The following ROBO2 variants were observed in gnomAD, a reference collection of about 807,000 sequenced individuals.
ROBO2 encodes roundabout homolog 2.
Under a neutral mutation model 160.8 loss-of-function variants are expected in ROBO2, and 53 were observed. That is an observed-to-expected ratio of 0.33 (90% CI 0.26 to 0.41). ROBO2 has a LOEUF of 0.41. Among genes scored for constraint, ROBO2 ranks in the 10% least tolerant of loss-of-function variants. The probability of loss-of-function intolerance (pLI) is 1.00; values close to 1 mark genes in which losing one functional copy is unlikely to be tolerated. For missense variants in ROBO2, 1,577 were observed against 1,722.4 expected (o/e 0.92, Z 1.49); for synonymous variants, 664 against 611.7 (o/e 1.09, Z -1.26).
chr3:76,008,018 G>A (rs2066074651), intron 2 of ROBO2, among the ~76,000 whole-genome samples: 1 of 151,960 alleles, frequency 6.6e-6, no homozygotes, highest in Non-Finnish European at 1.5e-5. Flanking sequence ...TGGATCACCT[G>A]AGGTCAGGAG....
intron 2 of ROBO2, among the ~76,000 whole-genome samples, chr3:76,367,718 TA>T (rs2075895577): frequency 6.6e-6 from 1 of 151,920 alleles, no homozygotes; most frequent in African/African-American, 2.4e-5. Flanking sequence ...ACTTTGAAAA[TA>T]AAGCCTCTTA....
intron 2 of ROBO2, among the ~76,000 whole-genome samples, chr3:76,917,320 A>G (rs954689230): frequency 3.3e-5 from 5 of 152,172 alleles, no homozygotes; most frequent in Non-Finnish European, 1.5e-5. Flanking sequence ...TGCTTTTCCA[A>G]GGCAACTCTT....
At chr3:76,355,926 C>G (rs905421105) in intron 2 of ROBO2, among the ~76,000 whole-genome samples, 1 of 151,720 alleles carries the variant, frequency 6.6e-6, no homozygotes, top group Non-Finnish European at 1.5e-5. Context: ...TGATTCACCC[C>G]TTACAGCAGC....
chr3:76,667,774 T>G (rs1381959044), intron 2 of ROBO2, among the ~76,000 whole-genome samples: 1 of 152,120 alleles, frequency 6.6e-6, no homozygotes, highest in Non-Finnish European at 1.5e-5. Context: ...TCTCAAATAA[T>G]TTTTCTTATT....
chr3:77,153,307 T>C (rs2150545191), intron 2 of ROBO2, among the ~76,000 whole-genome samples: 1 of 152,246 alleles, frequency 6.6e-6, no homozygotes, highest in Non-Finnish European at 1.5e-5. Context: ...TTATTTTTTC[T>C]TGTTTCATAT....
At chr3:76,940,377 C>G (rs924970041) in intron 2 of ROBO2, among the ~76,000 whole-genome samples, 1 of 152,146 alleles carries the variant, frequency 6.6e-6, no homozygotes, top group Non-Finnish European at 1.5e-5. Context: ...TTTTATCATG[C>G]AAATCTCATT....
chr3:76,176,029 AT>A (rs1463674971), intron 2 of ROBO2, among the ~76,000 whole-genome samples: 1 of 151,882 alleles, frequency 6.6e-6, no homozygotes, highest in African/African-American at 2.4e-5. Context: ...TTGTATTGAT[AT>A]CATTATAAGT....
At chr3:76,432,077 G>A (rs766080547) in intron 2 of ROBO2, among the ~76,000 whole-genome samples, 1 of 152,098 alleles carries the variant, frequency 6.6e-6, no homozygotes, top group African/African-American at 2.4e-5. Flanking sequence ...TGTGTCATTT[G>A]TGCCATATGG....
intron 2 of ROBO2, among the ~76,000 whole-genome samples, chr3:77,420,507 C>G (rs556791597): frequency 5.3e-5 from 8 of 152,216 alleles, no homozygotes; most frequent in African/African-American, 1.7e-4. Flanking sequence ...AGTGGTTGCT[C>G]TCTTTACTTT....
At chr3:76,054,935 A>C (rs2067784080) in intron 2 of ROBO2, among the ~76,000 whole-genome samples, 2 of 152,140 alleles carry the variant, frequency 1.3e-5, no homozygotes, top group South Asian at 4.1e-4. Flanking sequence ...AAGTTGATTG[A>C]TTATCAATTT....
Position 77,608,894 on chromosome 3 carries a change from T to TA in ROBO2, c.3293+946dup, listed in dbSNP as rs548921553. On this transcript the variant is annotated intron_variant, in intron 21 of 25. Coordinates refer to ENST00000461745, the Ensembl canonical transcript of ROBO2. ...TGGTTGTTTATTTATTATCTTGGCTTAAAAAATCACATATACATGTTTATA... is the reference window on the plus strand; with the variant it reads ...TGGTTGTTTATTTATTATCTTGGCTTAAAAAAATCACATATACATGTTTATA... 2.2e-4 allele frequency among the ~76,000 whole-genome samples: 33 copies of TA among 151,890 alleles called. No individual in the cohort carries two copies. The East Asian group carries it at 5.2e-3, about 24-fold the overall frequency.
intron 2 of ROBO2, among the ~76,000 whole-genome samples, chr3:77,229,448 C>T (rs62253282): frequency 0.028 from 4,184 of 151,412 alleles, 64 homozygotes; most frequent in Middle Eastern, 0.055. Flanking sequence ...TTTGGGAGGC[C>T]GAGGCAGGTG....
intron 2 of ROBO2, among the ~76,000 whole-genome samples, chr3:76,353,340 A>G (rs9309737): frequency 0.76 from 115,334 of 151,904 alleles, 46,842 homozygotes; most frequent in East Asian, 0.96. Flanking sequence ...AAGTTGGCAA[A>G]TATAACTTTA....
In ROBO2 at chr3:76,406,446, G is replaced by T. The variant is rs190286461; in HGVS notation, c.109+468844G>T. ...GATATTTCTAGTCCTTGTATGGATA[G>T]CAGTGATTATTTCATATTCCATTTT... On this transcript the variant is annotated intron_variant, in intron 2 of 26. Transcript: ENST00000487694. 6.7e-4 allele frequency among the ~76,000 whole-genome samples: 102 copies of T among 151,940 alleles called. 1 individual carries two copies. Among genetic ancestry groups the T allele is most frequent in the African/African-American group, 2.3e-3 (94 of 41,506 alleles).
chr3:76,324,066 T>G (rs1255611178), intron 2 of ROBO2, among the ~76,000 whole-genome samples: 1 of 152,172 alleles, frequency 6.6e-6, no homozygotes, highest in African/African-American at 2.4e-5. Flanking sequence ...TTATCACAGT[T>G]TTGGTATTCT....
chr3:76,208,428 C>G (rs777297521), intron 2 of ROBO2, among the ~76,000 whole-genome samples: 3 of 152,024 alleles, frequency 2.0e-5, no homozygotes, highest in Non-Finnish European at 4.4e-5. Context: ...TTTTAGTGTT[C>G]TCAAAAGTAC....
chr3:76,469,842 C>G (rs796549974), intron 2 of ROBO2, among the ~76,000 whole-genome samples: 16 of 152,134 alleles, frequency 1.1e-4, no homozygotes, highest in African/African-American at 3.9e-4. Context: ...ATTTTGTCTT[C>G]TCTCACTACA....
Position 77,231,076 on chromosome 3 carries a change from C to A in ROBO2, c.388+132736C>A, listed in dbSNP as rs983132436. 7.2e-5 allele frequency among the ~76,000 whole-genome samples: 11 copies of A among 151,970 alleles called. No homozygotes were observed. In the East Asian group the frequency reaches 2.1e-3, roughly 29 times the overall value. ...ATCTACTTTCTCACTAGTTAAGAAT[C>A]CTTCTAGGCCCATTGCGGTAGCTTA... is the stretch of plus-strand genomic sequence containing the variant. On this transcript the variant is annotated intron_variant, in intron 2 of 25. Transcript: ENST00000461745.
At chr3:76,732,684 G>A (rs1020359912) in intron 2 of ROBO2, among the ~76,000 whole-genome samples, 1 of 152,168 alleles carries the variant, frequency 6.6e-6, no homozygotes, top group Non-Finnish European at 1.5e-5. Flanking sequence ...ACAAGCATTA[G>A]TAAGTGATGA....
Sources: allele counts gnomAD v4.1 joint callset (sites outside exome capture counted in the v4.1 genomes callset), GRCh38; gene constraint gnomAD v4.1.1; transcripts MANE v1.5; gene names NCBI Gene and HGNC (gene_info 2026-07-23, HGNC 2026-07-21).